EIF4G3: variants seen among roughly 807,000 people sequenced by gnomAD.
The protein encoded by EIF4G3 is eIF-4-gamma 3.
EIF4G3 carries 34 observed loss-of-function variants against 186.4 expected under a neutral mutation model. That is an observed-to-expected ratio of 0.18 (90% confidence interval 0.14 to 0.24). The LOEUF (loss-of-function observed/expected upper bound fraction) is 0.24. EIF4G3 is among the 10% of genes least tolerant of loss of function. The pLI is 1.00. For missense variants in EIF4G3, 1,536 were observed against 1,948.5 expected (o/e 0.79, Z 3.99); for synonymous variants, 673 against 679.5 (o/e 0.99, Z 0.15).
chr1:20,979,221 G>A (rs986079461), intron 10 of EIF4G3, among the ~76,000 whole-genome samples: 5 of 152,058 alleles, frequency 3.3e-5, no homozygotes, highest in Admixed American at 2.6e-4. Context: ...CAGCATTGGC[G>A]CATATGCCAA....
intron 10 of EIF4G3, among the ~76,000 whole-genome samples, chr1:20,979,174 T>G (rs895861985): frequency 6.6e-6 from 1 of 152,248 alleles, no homozygotes; most frequent in Admixed American, 6.5e-5. Context: ...AGTAAAAATT[T>G]GTTGAATGAA....
chr1:20,941,816 G>A lies in EIF4G3; in HGVS notation c.1338C>T (p.Leu446=), dbSNP rs758076163. Residue 446 remains leucine, a synonymous_variant, in exon 14 of 37, where the codon CTC becomes CTT. Transcript: ENST00000602326. ...VLPLTLELEI[L]ENPPEEMKLE... ...GTTTCATTTCTTCTGGGGGATTTTC[G>A]AGAATCTCCAATTCAAGAGTCAATG... 5.0e-6 allele frequency: 8 copies of A among 1,613,740 alleles called. No homozygotes were observed. The highest frequency in any genetic ancestry group is 3.3e-5 in the South Asian group (3 of 91,030).
intron 7 of EIF4G3, among the ~76,000 whole-genome samples, chr1:20,984,543 A>ATT (rs1230714176): frequency 3.0e-5 from 4 of 131,620 alleles, no homozygotes; most frequent in African/African-American, 9.0e-5. Context: ...CAACCTAAGC[A>ATT]TTATATATAT....
intron 12 of EIF4G3, among the ~76,000 whole-genome samples, chr1:20,951,838 T>C (rs1170098046): frequency 6.6e-6 from 1 of 152,142 alleles, no homozygotes; most frequent in African/African-American, 2.4e-5. Flanking sequence ...AAAAGGCTAC[T>C]AGAGTCAATG....
At chr1:20,872,355 G>A (rs2079451406) in intron 20 of EIF4G3, among the ~76,000 whole-genome samples, 1 of 151,752 alleles carries the variant, frequency 6.6e-6, no homozygotes, top group Non-Finnish European at 1.5e-5. Flanking sequence ...CCAACTCCTA[G>A]GCTCAAGTGA....
intron 19 of EIF4G3, among the ~76,000 whole-genome samples, chr1:20,880,049 A>C (rs1030498206): frequency 2.0e-5 from 3 of 151,818 alleles, no homozygotes; most frequent in Non-Finnish European, 4.4e-5. Flanking sequence ...AATAGAAGAG[A>C]TCTTCCTAGA....
chr1:21,046,419 G>C (rs2093892917), intron 4 of EIF4G3, among the ~76,000 whole-genome samples: 1 of 152,192 alleles, frequency 6.6e-6, no homozygotes, highest in Non-Finnish European at 1.5e-5. Context: ...GTAAAATCCT[G>C]TCTTAACAAA....
intron 3 of EIF4G3, among the ~76,000 whole-genome samples, chr1:21,077,386 G>A (rs2095618325): frequency 6.8e-6 from 1 of 146,548 alleles, no homozygotes. Context: ...GGGCAACAGA[G>A]CAAGGCCCTG....
intron 20 of EIF4G3, among the ~76,000 whole-genome samples, chr1:20,868,090 C>CTTTTTTTCTTTTTTTT (rs71585790): frequency 3.3e-5 from 3 of 90,416 alleles, no homozygotes; most frequent in African/African-American, 8.1e-5. Context: ...TGGTGATTTT[C>CTTTTTTTCTTTTTTTT]TTTTTTTTTT....
chr1:20,967,958 T>C (rs2075062635), intron 12 of EIF4G3, among the ~76,000 whole-genome samples: 2 of 152,174 alleles, frequency 1.3e-5, no homozygotes, highest in African/African-American at 4.8e-5. Flanking sequence ...AGGCTTTCAC[T>C]TTAGACAATT....
At chr1:21,006,499 A>C (rs1263416491) in intron 4 of EIF4G3, among the ~76,000 whole-genome samples, 1 of 152,246 alleles carries the variant, frequency 6.6e-6, no homozygotes, top group African/African-American at 2.4e-5. Flanking sequence ...TTGATGAGTT[A>C]CAGACATCTG....
intron 7 of EIF4G3, among the ~76,000 whole-genome samples, chr1:20,991,905 CTG>C (rs577230023): frequency 8.6e-4 from 131 of 152,186 alleles, no homozygotes; most frequent in Non-Finnish European, 1.6e-3. Flanking sequence ...ATTTCAGACA[CTG>C]TGATAGGCAG....
intron 2 of EIF4G3, among the ~76,000 whole-genome samples, chr1:21,099,653 G>T (rs1210460857): frequency 6.6e-6 from 1 of 152,158 alleles, no homozygotes; most frequent in Non-Finnish European, 1.5e-5. Context: ...GCTTGCCAGG[G>T]CCTAGAGGTT....
At chr1:21,107,453 T>C (rs1330993655) in intron 2 of EIF4G3, among the ~76,000 whole-genome samples, 2 of 152,160 alleles carry the variant, frequency 1.3e-5, no homozygotes, top group East Asian at 3.9e-4. Context: ...ATGACAGGAA[T>C]GAGCTACCGG....
chr1:21,036,472 G>C (rs1235535545), intron 4 of EIF4G3, among the ~76,000 whole-genome samples: 1 of 152,146 alleles, frequency 6.6e-6, no homozygotes, highest in Non-Finnish European at 1.5e-5. Flanking sequence ...ACAAAAAAAA[G>C]AGCATGAATC....
intron 4 of EIF4G3, among the ~76,000 whole-genome samples, chr1:21,003,186 T>TC (rs1557442947): frequency 6.6e-6 from 1 of 150,626 alleles, no homozygotes; most frequent in Non-Finnish European, 1.5e-5. Context: ...TTTTTTTTTT[T>TC]TTTCAGAGAC....
chr1:20,838,605 A>G (rs2067463080), intron 30 of EIF4G3, among the ~76,000 whole-genome samples: 1 of 152,190 alleles, frequency 6.6e-6, no homozygotes, highest in African/African-American at 2.4e-5. Context: ...CAATAACCAC[A>G]GCAACTTTTG....
chr1:21,081,645 T>C (rs910864746), intron 3 of EIF4G3, among the ~76,000 whole-genome samples: 1 of 148,126 alleles, frequency 6.8e-6, no homozygotes, highest in Non-Finnish European at 1.5e-5. Flanking sequence ...AATTTTTTTT[T>C]TTTTTTTTTT....
intron 33 of EIF4G3, among the ~76,000 whole-genome samples, chr1:20,824,477 G>T (rs1410889637): frequency 1.3e-5 from 2 of 152,084 alleles, no homozygotes; most frequent in African/African-American, 4.8e-5. Flanking sequence ...CGTTTTGAGA[G>T]AGTTTTGTTT....
Sources: allele counts gnomAD v4.1 joint callset (sites outside exome capture counted in the v4.1 genomes callset), GRCh38; gene constraint gnomAD v4.1.1; transcripts MANE v1.5; gene names NCBI Gene and HGNC (gene_info 2026-07-23, HGNC 2026-07-21).